CCDC102B: variants seen among roughly 807,000 people sequenced by gnomAD.
CCDC102B encodes the protein coiled-coil domain-containing protein 102B.
Under a neutral mutation model 57.4 loss-of-function variants are expected in CCDC102B, and 75 were observed. That is an observed-to-expected ratio of 1.31 (90% CI 1.08 to 1.58). CCDC102B has a LOEUF of 1.58. CCDC102B is among the 40% of genes most tolerant of loss of function. The pLI is 0.00. For missense variants in CCDC102B, 636 were observed against 582.6 expected (o/e 1.09, Z -0.94); for synonymous variants, 206 against 201.9 (o/e 1.02, Z -0.17).
rs976648349 is a variant in CCDC102B, at chr18:68,855,960, T to G, written c.936+9539T>G. ...TTTTTCTTAAGTGAAAATTTAGATT[T>G]GGCAGGAATACAGGCCACTTTCTCG... On this transcript the variant is annotated intron_variant, in intron 4 of 7. Coordinates refer to ENST00000360242, the MANE Select transcript of CCDC102B (RefSeq NM_024781.3). 2.6e-5 allele frequency among the ~76,000 whole-genome samples: 4 copies of G among 152,178 alleles called. 1 individual carries two copies. The highest frequency in any genetic ancestry group is 9.6e-5 in the African/African-American group (4 of 41,460).
At chr18:68,993,568 A>G (rs2050934900) in intron 6 of CCDC102B, among the ~76,000 whole-genome samples, 1 of 152,214 alleles carries the variant, frequency 6.6e-6, no homozygotes, top group Non-Finnish European at 1.5e-5. Flanking sequence ...ACTTTATGCA[A>G]AATTTAAATG....
In CCDC102B at chr18:68,892,397, G is replaced by A. The variant is rs1005213748; in HGVS notation, c.1054-4822G>A. ...ACCTTTACAGGACATCCACCATAGC[G>A]CATGTTTTCTCTTCTGCACCATCCC... On this transcript the variant is annotated intron_variant, in intron 5 of 7. Transcript: ENST00000360242. Among the ~76,000 whole-genome samples, 5 of 152,154 alleles carry A rather than the reference G, an allele frequency of 3.3e-5. No homozygotes were observed. In the South Asian group the frequency reaches 6.2e-4, roughly 19 times the overall value.
chr18:69,008,339 A>G (rs1219975042), intron 6 of CCDC102B, among the ~76,000 whole-genome samples: 1 of 152,202 alleles, frequency 6.6e-6, no homozygotes, highest in Non-Finnish European at 1.5e-5. Flanking sequence ...TGGTGCATAA[A>G]CGACAGTGTT....
intron 6 of CCDC102B, among the ~76,000 whole-genome samples, chr18:68,925,158 C>T (rs888212497): frequency 6.6e-6 from 1 of 152,078 alleles, no homozygotes; most frequent in African/African-American, 2.4e-5. Context: ...CCATCTACAA[C>T]TTCTCTGACA....
chr18:69,039,026 C>T (rs1274034376), intron 7 of CCDC102B, among the ~76,000 whole-genome samples: 5 of 152,000 alleles, frequency 3.3e-5, no homozygotes, highest in African/African-American at 1.2e-4. Flanking sequence ...CCTTTTATCA[C>T]TGGTTACTAA....
At chr18:68,717,452 T>C (rs1414195881) in intron 2 of CCDC102B, among the ~76,000 whole-genome samples, 1 of 152,222 alleles carries the variant, frequency 6.6e-6, no homozygotes, top group Admixed American at 6.5e-5. Context: ...ATCTCACCTG[T>C]TTTTATTTTT....
intron 4 of CCDC102B, among the ~76,000 whole-genome samples, chr18:68,857,289 TA>T (rs1409066842): frequency 0.44 from 7,943 of 18,016 alleles, 2,081 homozygotes; most frequent in Non-Finnish European, 0.54. Context: ...TATATATTTA[TA>T]TATTATATAT....
chr18:68,882,924 G>A (rs80121749), intron 5 of CCDC102B, among the ~76,000 whole-genome samples: 3,916 of 152,210 alleles, frequency 0.026, 110 homozygotes, highest in African/African-American at 0.071. Flanking sequence ...CTTAAAAGTG[G>A]GAGCTAAATG....
chr18:69,053,746 T>C (rs1048604929), intron 7 of CCDC102B, among the ~76,000 whole-genome samples: 3 of 151,904 alleles, frequency 2.0e-5, no homozygotes, highest in African/African-American at 7.2e-5. Context: ...GAATGGATCC[T>C]CATGTTTTTC....
chr18:68,863,009 C>T (rs1180869161), intron 4 of CCDC102B, among the ~76,000 whole-genome samples: 1 of 151,738 alleles, frequency 6.6e-6, no homozygotes, highest in Non-Finnish European at 1.5e-5. Context: ...CTAAATATAA[C>T]AATAACATTT....
chr18:68,928,841 ATGGATTAT>A (rs2041567990), intron 6 of CCDC102B, among the ~76,000 whole-genome samples: 1 of 151,808 alleles, frequency 6.6e-6, no homozygotes, highest in Non-Finnish European at 1.5e-5. Context: ...AGGGGGGACA[ATGGATTAT>A]TGTAGGGCAA....
intron 6 of CCDC102B, among the ~76,000 whole-genome samples, chr18:68,933,860 A>G (rs1599713869): frequency 1.3e-5 from 2 of 151,940 alleles, no homozygotes; most frequent in East Asian, 3.9e-4. Context: ...AAACCAACTA[A>G]CCAAAGAAAA....
rs547692459 is a variant in CCDC102B at position 68,762,993 on chromosome 18, AG to A, written c.-67+46405del. 2.8e-3 allele frequency among the ~76,000 whole-genome samples: 430 copies of A among 152,150 alleles called. 1 individual carries two copies. Among genetic ancestry groups the A allele is most frequent in the African/African-American group, 9.9e-3 (412 of 41,518 alleles). On this transcript the variant is annotated intron_variant, in intron 2 of 3. Coordinates refer to the CCDC102B transcript ENST00000578970. ...GCCTCACAAACCACACAAAGGCCTT[AG>A]GGGGGAAAAAAGCTTCTATCTTCTT...
chr18:68,937,854 G>A (rs754619419), intron 6 of CCDC102B, among the ~76,000 whole-genome samples: 10 of 151,836 alleles, frequency 6.6e-5, no homozygotes, highest in South Asian at 2.1e-4. Context: ...GAGAGCATGC[G>A]ATGTTTGGTT....
rs370477951 is a variant in CCDC102B at position 68,897,421 on chromosome 18, A to C, written c.1256A>C (p.Lys419Thr). 1.2e-6 allele frequency: 2 copies of C among 1,610,622 alleles called. No homozygotes were observed. Among genetic ancestry groups the C allele is most frequent in the African/African-American group, 2.7e-5 (2 of 74,572 alleles). The change falls in exon 6 of 8, where the codon AAA becomes ACA. Residue 419 changes from lysine to threonine, a missense_variant. Lys to Thr is a moderately conservative substitution (Grantham distance 78, BLOSUM62 -1). Coordinates refer to ENST00000360242, the MANE Select transcript of CCDC102B (RefSeq NM_024781.3). ...FKMSQIDLQE[K>T]NQELLNLQHA... ...ATGTCACAAATTGATCTGCAAGAAA[A>C]AAACCAGGTATGGGTGCTCCTTGGA...
Position 68,837,232 on chromosome 18 carries a change from GA to G in CCDC102B, c.470del (p.Asp157ValfsTer2), listed in dbSNP as rs760488782. The G allele has an allele frequency of 4.5e-5, 72 of 1,614,000 alleles. No individual in the cohort carries two copies. Among genetic ancestry groups the G allele is most frequent in the Non-Finnish European group, 5.8e-5 (68 of 1,180,026 alleles). ...KEALEAKVTQ[D>X]LKLPGFVEES... ...GGCATTAGAAGCTAAAGTTACCCAG[GA>G]TCTGAAGCTTCCTGGCTTCGTAGAA... On this transcript the variant is annotated frameshift_variant, in exon 2 of 8. Coordinates refer to ENST00000360242, the MANE Select transcript of CCDC102B (RefSeq NM_024781.3). LOFTEE classifies it high-confidence loss of function.
intron 2 of CCDC102B, among the ~76,000 whole-genome samples, chr18:68,786,763 T>G (rs2035228901): frequency 6.7e-6 from 1 of 148,894 alleles, no homozygotes; most frequent in Non-Finnish European, 1.5e-5. Context: ...TACAATCATG[T>G]CGTCTGCAAA....
At chr18:68,770,781 C>G (rs1157213923) in intron 2 of CCDC102B, among the ~76,000 whole-genome samples, 1 of 152,126 alleles carries the variant, frequency 6.6e-6, no homozygotes, top group Admixed American at 6.5e-5. Context: ...TCTTAAATCT[C>G]AAAGTTGTAA....
intron 1 of CCDC102B, among the ~76,000 whole-genome samples, chr18:68,834,432 C>CATATATATATATATTT (rs2037275567): frequency 7.3e-6 from 1 of 137,714 alleles, no homozygotes; most frequent in African/African-American, 2.7e-5. Flanking sequence ...TATGTAAATA[C>CATATATATATATATTT]ATATATATAT....
Sources: allele counts gnomAD v4.1 joint callset (sites outside exome capture counted in the v4.1 genomes callset), GRCh38; gene constraint gnomAD v4.1.1; transcripts MANE v1.5; gene names NCBI Gene and HGNC (gene_info 2026-07-23, HGNC 2026-07-21).